The following ZNRF2 variants were observed in gnomAD, a reference collection of about 807,000 sequenced individuals.
ZNRF2 encodes E3 ubiquitin-protein ligase ZNRF2.
Under a neutral mutation model 20.4 loss-of-function variants are expected in ZNRF2, and 16 were observed. The observed-to-expected ratio is 0.79, with a 90% CI of 0.53 to 1.19. The LOEUF is 1.19. ZNRF2 is among the 50% of genes most tolerant of loss of function. The pLI is 0.00. For missense variants in ZNRF2, 363 were observed against 332.4 expected (o/e 1.09, Z -0.72); for synonymous variants, 178 against 144.9 (o/e 1.23, Z -1.64).
intron 2 of ZNRF2, among the ~76,000 whole-genome samples, chr7:30,336,477 G>A (rs1406076689): frequency 6.6e-6 from 1 of 151,940 alleles, no homozygotes; most frequent in Non-Finnish European, 1.5e-5. Context: ...AGTATTTTAA[G>A]GTAACATGAA....
At chr7:30,339,479 T>C (rs546867320) in intron 2 of ZNRF2, among the ~76,000 whole-genome samples, 1 of 152,366 alleles carries the variant, frequency 6.6e-6, no homozygotes, top group South Asian at 2.1e-4. Context: ...TTCACTTTTC[T>C]GCATATGGCT....
intron 1 of ZNRF2, among the ~76,000 whole-genome samples, chr7:30,301,543 C>A (rs766725360): frequency 6.6e-6 from 1 of 151,798 alleles, no homozygotes; most frequent in African/African-American, 2.4e-5. Context: ...CAATCTGGGG[C>A]ATGGTTCGCT....
chr7:30,333,661 C>T (rs1300491354), intron 2 of ZNRF2, among the ~76,000 whole-genome samples: 1 of 152,182 alleles, frequency 6.6e-6, no homozygotes, highest in East Asian at 1.9e-4. Context: ...AGCCATCGCA[C>T]CCAGCCCATA....
chr7:30,286,873 C>T (rs930220653), intron 1 of ZNRF2, among the ~76,000 whole-genome samples: 1 of 152,146 alleles, frequency 6.6e-6, no homozygotes, highest in African/African-American at 2.4e-5. Context: ...CATTTTTGTG[C>T]CGCTTTTACT....
chr7:30,308,504 C>G (rs899719348), intron 1 of ZNRF2, among the ~76,000 whole-genome samples: 21 of 152,300 alleles, frequency 1.4e-4, no homozygotes, highest in African/African-American at 5.1e-4. Flanking sequence ...GGGCTCCACC[C>G]TCAATCAGAA....
rs1256441487 is a variant in ZNRF2 at position 30,284,881 on chromosome 7, G to A, written c.-477G>A. ...GAGGAGGGAAGGTGGCCCCGGCGGA[G>A]TCTGGGCGGGCGCCTCCCACTCAGC... On this transcript the variant is annotated 5_prime_UTR_variant, in exon 1 of 5. Transcript: ENST00000323037. 4.3e-6 allele frequency: 1 copy of A among 232,374 alleles called. No homozygotes were observed. The highest frequency in any genetic ancestry group is 2.4e-5 in the African/African-American group (1 of 41,790). The allele number at this position is 232,374 out of a possible 1,614,324, so 14.4% of individuals were successfully genotyped here. A position where few individuals can be genotyped will look rare whatever the true frequency, so the allele number is the denominator to read the frequency against.
intron 2 of ZNRF2, among the ~76,000 whole-genome samples, chr7:30,331,429 G>C (rs921241231): frequency 6.6e-6 from 1 of 152,160 alleles, no homozygotes; most frequent in African/African-American, 2.4e-5. Flanking sequence ...TTAGAGTCTG[G>C]CTGAATAGAT....
intron 1 of ZNRF2, among the ~76,000 whole-genome samples, chr7:30,287,875 T>C (rs1352873284): frequency 6.6e-6 from 1 of 152,164 alleles, no homozygotes; most frequent in Non-Finnish European, 1.5e-5. Context: ...CTGAAATAAT[T>C]TCCTGTGTTT....
At chr7:30,316,288 CAAAAAA>C (rs60218988) in intron 1 of ZNRF2, among the ~76,000 whole-genome samples, 51 of 27,484 alleles carry the variant, frequency 1.9e-3, no homozygotes, top group African/African-American at 4.1e-3. Flanking sequence ...AACTCCATCT[CAAAAAA>C]AAAAAAAAAA....
chr7:30,326,572 C>T (rs1429748557), intron 2 of ZNRF2, among the ~76,000 whole-genome samples: 1 of 152,138 alleles, frequency 6.6e-6, no homozygotes, highest in East Asian at 1.9e-4. Context: ...TGTCTTTGCT[C>T]TTGTGAACAG....
At chr7:30,331,550 G>C (rs906846156) in intron 2 of ZNRF2, among the ~76,000 whole-genome samples, 2 of 152,042 alleles carry the variant, frequency 1.3e-5, no homozygotes, top group African/African-American at 4.8e-5. Flanking sequence ...AAATATGAGA[G>C]AGTACCTGGC....
At chr7:30,350,000 A>G (rs1195491969) in intron 2 of ZNRF2, among the ~76,000 whole-genome samples, 1 of 152,112 alleles carries the variant, frequency 6.6e-6, no homozygotes, top group East Asian at 1.9e-4. Context: ...GTTGGGAAAT[A>G]ACTTGGTAAT....
At chr7:30,289,973 A>C (rs535169030) in intron 1 of ZNRF2, 3 of 492,828 alleles carry the variant, frequency 6.1e-6, no homozygotes, top group Non-Finnish European at 1.2e-5. Context: ...TGAGATATCA[A>C]CTTTTAAACT....
intron 2 of ZNRF2, among the ~76,000 whole-genome samples, chr7:30,354,304 A>G (rs1416221862): frequency 2.0e-5 from 3 of 152,170 alleles, no homozygotes; most frequent in Non-Finnish European, 4.4e-5. Flanking sequence ...TAGTTAGCTC[A>G]AATCACTCCT....
intron 3 of ZNRF2, among the ~76,000 whole-genome samples, chr7:30,359,210 CT>C (rs1800086141): frequency 6.6e-6 from 1 of 152,168 alleles, no homozygotes; most frequent in Non-Finnish European, 1.5e-5. Flanking sequence ...ATGTTTTTGA[CT>C]TCTTGGTAGA....
chr7:30,303,217 C>G (rs1190585708), intron 1 of ZNRF2, among the ~76,000 whole-genome samples: 6 of 150,136 alleles, frequency 4.0e-5, no homozygotes, highest in Non-Finnish European at 3.0e-5. Context: ...GGCTTCAGCT[C>G]ACACCACTGC....
At chr7:30,294,256 A>G (rs1048379313) in intron 1 of ZNRF2, among the ~76,000 whole-genome samples, 1 of 152,094 alleles carries the variant, frequency 6.6e-6, no homozygotes, top group Non-Finnish European at 1.5e-5. Context: ...AAAAGCGTTT[A>G]AGGCTGTGTT....
chr7:30,362,872 C>T (rs1800150250), intron 4 of ZNRF2, among the ~76,000 whole-genome samples: 1 of 152,186 alleles, frequency 6.6e-6, no homozygotes, highest in African/African-American at 2.4e-5. Flanking sequence ...AATCCCAGCA[C>T]TTTGGGAAGC....
intron 2 of ZNRF2, among the ~76,000 whole-genome samples, chr7:30,329,119 ATAT>A (rs1346730417): frequency 6.6e-6 from 1 of 152,178 alleles, no homozygotes; most frequent in Non-Finnish European, 1.5e-5. Context: ...AACAAATTAA[ATAT>A]TATTAGCAAA....
Sources: allele counts gnomAD v4.1 joint callset (sites outside exome capture counted in the v4.1 genomes callset), GRCh38; gene constraint gnomAD v4.1.1; transcripts MANE v1.5; gene names NCBI Gene and HGNC (gene_info 2026-07-23, HGNC 2026-07-21).